Variants in DYNC2H1 observed in about 807,000 individuals in gnomAD.
DYNC2H1 encodes the protein dynein cytoplasmic 2 heavy chain 1.
DYNC2H1 carries 410 observed loss-of-function variants against 570.0 expected under a neutral mutation model. The ratio of observed to expected loss-of-function variants is 0.72; its 90% CI spans 0.66 to 0.78. The LOEUF (loss-of-function observed/expected upper bound fraction) is 0.78. Among genes scored for constraint, DYNC2H1 ranks in the 30% least tolerant of loss-of-function variants. The probability of loss-of-function intolerance (pLI) is 0.00; values close to 1 mark genes in which losing one functional copy is unlikely to be tolerated. For missense variants in DYNC2H1, 4,865 were observed against 5,046.4 expected (o/e 0.96, Z 1.09); for synonymous variants, 1,688 against 1,677.6 (o/e 1.01, Z -0.15).
chr11:103,389,727 T>C (rs1942052353), intron 83 of DYNC2H1, among the ~76,000 whole-genome samples: 1 of 151,854 alleles, frequency 6.6e-6, no homozygotes, highest in Non-Finnish European at 1.5e-5. Context: ...AAAGAACATC[T>C]TTATTTCTGC....
At chr11:103,331,878 G>T (rs576663000) in intron 82 of DYNC2H1, among the ~76,000 whole-genome samples, 62 of 152,250 alleles carry the variant, frequency 4.1e-4, no homozygotes, top group African/African-American at 1.4e-3. Context: ...TGGCTAACAC[G>T]GTGAAAGCCG....
At chr11:103,320,552 G>C (rs1353532111) in intron 80 of DYNC2H1, among the ~76,000 whole-genome samples, 2 of 152,192 alleles carry the variant, frequency 1.3e-5, no homozygotes, top group African/African-American at 4.8e-5. Flanking sequence ...GAGTTTCCCT[G>C]TTAATCAGAT....
intron 87 of DYNC2H1, among the ~76,000 whole-genome samples, chr11:103,462,575 T>G (rs76418078): frequency 0.015 from 2,258 of 152,304 alleles, 53 homozygotes; most frequent in African/African-American, 0.052. Context: ...AAAATTCTTC[T>G]GCAAAGAGGC....
At chr11:103,415,371 G>A (rs550756066) in intron 84 of DYNC2H1, among the ~76,000 whole-genome samples, 2 of 152,290 alleles carry the variant, frequency 1.3e-5, no homozygotes, top group South Asian at 4.1e-4. Flanking sequence ...ACTACCATCA[G>A]AGTGAACAGG....
intron 75 of DYNC2H1, among the ~76,000 whole-genome samples, chr11:103,293,407 A>G (rs1458409491): frequency 6.6e-6 from 1 of 152,020 alleles, no homozygotes; most frequent in Non-Finnish European, 1.5e-5. Flanking sequence ...TCTTATTTAG[A>G]TAGAATCTGT....
At chr11:103,459,446 G>A (rs890049632) in intron 87 of DYNC2H1, among the ~76,000 whole-genome samples, 1 of 151,038 alleles carries the variant, frequency 6.6e-6, no homozygotes, top group Non-Finnish European at 1.5e-5. Flanking sequence ...CTAGTAGAAT[G>A]TAAGTCCCGC....
At chr11:103,351,972 T>A (rs991861491) in intron 82 of DYNC2H1, among the ~76,000 whole-genome samples, 1 of 152,164 alleles carries the variant, frequency 6.6e-6, no homozygotes, top group Non-Finnish European at 1.5e-5. Context: ...TGAGATTGTT[T>A]TATTAATTTA....
chr11:103,271,513 G>C (rs1865708794), intron 70 of DYNC2H1, among the ~76,000 whole-genome samples: 1 of 152,146 alleles, frequency 6.6e-6, no homozygotes, highest in East Asian at 1.9e-4. Flanking sequence ...AAATATAGTA[G>C]AGTAGAAGTA....
intron 15 of DYNC2H1, among the ~76,000 whole-genome samples, chr11:103,134,990 A>G (rs1358838920): frequency 6.6e-6 from 1 of 152,168 alleles, no homozygotes; most frequent in African/African-American, 2.4e-5. Flanking sequence ...AGAAAAGGCA[A>G]AAGTACTACT....
Position 103,438,236 on chromosome 11 carries a change from G to C in DYNC2H1, c.12456+2204G>C, listed in dbSNP as rs571417379. Among the ~76,000 whole-genome samples, 8 of 151,852 alleles carry C rather than the reference G, an allele frequency of 5.3e-5. No individual in the cohort carries two copies. The South Asian group carries it at 1.2e-3, about 24-fold the overall frequency. On this transcript the variant is annotated intron_variant, in intron 85 of 88. Coordinates refer to ENST00000375735, the MANE Select transcript of DYNC2H1 (RefSeq NM_001377.3). ...TTTTTTTAAATTATAAATATATATA[G>C]ATATCCATCTCCCTGAGGTAACCTT...
intron 85 of DYNC2H1, among the ~76,000 whole-genome samples, chr11:103,440,803 T>C (rs144274614): frequency 1.3e-5 from 2 of 152,286 alleles, no homozygotes; most frequent in African/African-American, 2.4e-5. Context: ...TCTCACACTT[T>C]ATATCCAGTC....
chr11:103,442,795 A>G (rs904378530), intron 85 of DYNC2H1, among the ~76,000 whole-genome samples: 1 of 152,112 alleles, frequency 6.6e-6, no homozygotes, highest in African/African-American at 2.4e-5. Context: ...GTATCTTTAC[A>G]GCAGAAAACA....
At chr11:103,233,099 G>A (rs984037366) in intron 60 of DYNC2H1, among the ~76,000 whole-genome samples, 1 of 151,874 alleles carries the variant, frequency 6.6e-6, no homozygotes, top group Admixed American at 6.6e-5. Context: ...AAGGAAGAAG[G>A]CACTTAGAAA....
intron 25 of DYNC2H1, among the ~76,000 whole-genome samples, chr11:103,155,946 T>C (rs183588646): frequency 5.9e-5 from 9 of 152,310 alleles, no homozygotes; most frequent in Non-Finnish European, 1.0e-4. Context: ...AGCATGACTG[T>C]TGCAGAAGAT....
chr11:103,256,328 G>T lies in DYNC2H1; in HGVS notation c.10461+88G>T. ...AGAAAATGTAGAATCAGGTCCTCAG[G>T]GGAAAGATGATGTGAAAAGAAAAAA... On this transcript the variant is annotated intron_variant, in intron 68 of 88. Coordinates refer to ENST00000375735, the MANE Select transcript of DYNC2H1 (RefSeq NM_001377.3). The surrounding 1 kb of genome is among the most constrained non-coding windows in gnomAD (Gnocchi z 4.0). The T allele has an allele frequency of 7.7e-7, 1 of 1,302,390 alleles. No individual in the cohort carries two copies. The highest frequency in any genetic ancestry group is 1.0e-6 in the Non-Finnish European group (1 of 954,904). The allele number at this position is 1,302,390 out of a possible 1,614,324, so 80.7% of individuals were successfully genotyped here.
Position 103,243,843 on chromosome 11 carries a change from A to G in DYNC2H1, c.9918+52A>G. 7.2e-7 allele frequency: 1 copy of G among 1,392,330 alleles called. No homozygotes were observed. The highest frequency in any genetic ancestry group is 9.9e-7 in the Non-Finnish European group (1 of 1,014,446). 86.2% of individuals were successfully genotyped at this position (1,392,330 alleles called of 1,614,324 possible). On this transcript the variant is annotated intron_variant, in intron 64 of 88. Coordinates refer to ENST00000375735, the MANE Select transcript of DYNC2H1 (RefSeq NM_001377.3). The surrounding 1 kb of genome is among the most constrained non-coding windows in gnomAD (Gnocchi z 4.8). The stretch of plus-strand genomic sequence containing the variant: ...CAATTAGGAATGACCTCTTATAGTG[A>G]AAAGATCTTGGAGTCTATAATCAGA...
intron 19 of DYNC2H1, 79 bp from the exon 20 acceptor site, chr11:103,148,411 C>A: frequency 4.2e-6 from 6 of 1,427,782 alleles, no homozygotes; most frequent in Non-Finnish European, 5.7e-6. Context: ...TTCTACCACC[C>A]CTTGATTTAG....
chr11:103,168,783 A>G lies in DYNC2H1; in HGVS notation c.4791A>G (p.Lys1597=). 6.2e-7 allele frequency: 1 copy of G among 1,613,050 alleles called. No homozygotes were observed. Among genetic ancestry groups the G allele is most frequent in the Non-Finnish European group, 8.5e-7 (1 of 1,179,484 alleles). Residue 1597 remains lysine (K), a synonymous_variant, in exon 32 of 89, where the codon AAA becomes AAG. Transcript: ENST00000375735. ...CGGGCATCCTGGAGCTTAAACTTAA[A>G]GCCCTAATTCTTGACATTATCCATA... The part of the protein sequence containing the change: ...TESGILELKL[K]ALILDIIHNI...
At chr11:103,428,465 A>G (rs1344383257) in intron 84 of DYNC2H1, among the ~76,000 whole-genome samples, 1 of 152,168 alleles carries the variant, frequency 6.6e-6, no homozygotes, top group Non-Finnish European at 1.5e-5. Flanking sequence ...CCTTTTCCCA[A>G]TGAAGTTTTT....
Sources: allele counts gnomAD v4.1 joint callset (sites outside exome capture counted in the v4.1 genomes callset), GRCh38; gene constraint gnomAD v4.1.1; non-coding constraint Gnocchi (gnomAD v3.1); transcripts MANE v1.5; gene names NCBI Gene and HGNC (gene_info 2026-07-23, HGNC 2026-07-21).